HSF5: variants seen among roughly 807,000 people sequenced by gnomAD.
HSF5 encodes the protein heat shock transcription factor 5.
Under a neutral mutation model 50.8 loss-of-function variants are expected in HSF5, and 5 were observed. The ratio of observed to expected loss-of-function variants is 0.10; its 90% CI spans 0.05 to 0.21. The LOEUF is 0.21. HSF5 is among the 10% of genes least tolerant of loss of function. The pLI is 1.00. For synonymous variants in HSF5, 307 were observed against 307.4 expected (o/e 1.00, Z 0.02); for missense variants, 564 against 762.6 (o/e 0.74, Z 3.07).
intron 4 of HSF5, among the ~76,000 whole-genome samples, chr17:58,461,351 T>C (rs990352589): frequency 1.4e-5 from 2 of 145,982 alleles, no homozygotes; most frequent in African/African-American, 5.1e-5. Context: ...TAAAAAAAAA[T>C]GAGGTGATAT....
intron 1 of HSF5, among the ~76,000 whole-genome samples, chr17:58,484,243 AC>A (rs1975137356): frequency 6.6e-6 from 1 of 152,082 alleles, no homozygotes; most frequent in African/African-American, 2.4e-5. Context: ...AGGCATGAAA[AC>A]AATAACTTAG....
rs138503001 is a variant in HSF5, at chr17:58,440,767, C to T, written c.1720+18001G>A. 5.8e-3 allele frequency among the ~76,000 whole-genome samples: 886 copies of T among 152,070 alleles called. 5 individuals are homozygous for T. Among genetic ancestry groups the T allele is most frequent in the African/African-American group, 9.4e-3 (388 of 41,478 alleles). On this transcript the variant is annotated intron_variant, in intron 5 of 5. Transcript: ENST00000323777. The stretch of plus-strand genomic sequence containing the variant: ...ATAACTAGAAACTCAAAAATGTGAC[C>T]AGAGGTCTGGAAAAAAGAACAAACA...
Position 58,480,151 on chromosome 17 carries a change from G to A in HSF5, c.667C>T (p.Arg223Trp), listed in dbSNP as rs371929044. The A allele has an allele frequency of 4.3e-6, 7 of 1,614,064 alleles. No homozygotes were observed. The highest frequency in any genetic ancestry group is 1.1e-5 in the South Asian group (1 of 91,086). The change falls in exon 2 of 6, where the codon CGG (arginine) becomes TGG (tryptophan). Residue 223 changes from arginine to tryptophan, a missense_variant. Arg to Trp is a moderately radical substitution (Grantham distance 101). Coordinates refer to ENST00000323777, the MANE Select transcript of HSF5 (RefSeq NM_001080439.3). ...CATATTCTATGAGGAACTGGGGTCCGATCTAAACCTTTCAGAGGGTAAGTA... is the reference window on the plus strand; with the variant it reads ...CATATTCTATGAGGAACTGGGGTCCAATCTAAACCTTTCAGAGGGTAAGTA... ...HSTYPLKGLD[R>W]TPVPHRIWQN...
chr17:58,464,690 T>C (rs979467365), intron 3 of HSF5, among the ~76,000 whole-genome samples: 3 of 152,244 alleles, frequency 2.0e-5, no homozygotes, highest in African/African-American at 7.2e-5. Flanking sequence ...TGGAGTGCGA[T>C]GGCACGATCT....
In HSF5 at chr17:58,466,994, A is replaced by G. The variant is rs994817962; in HGVS notation, c.926-15T>C. 6.5e-7 allele frequency: 1 copy of G among 1,546,722 alleles called. No individual in the cohort carries two copies. Among genetic ancestry groups the G allele is most frequent in the Non-Finnish European group, 8.9e-7 (1 of 1,119,260 alleles). ...CTGTAGCACAGCTGGAACAAATTCA[A>G]ACACAGAAAAGCCATCAACCACAAT... On this transcript the variant is annotated splice_polypyrimidine_tract_variant and intron_variant, in intron 2 of 5. Transcript: ENST00000323777.
chr17:58,443,045 C>T lies in HSF5; in HGVS notation c.1720+15723G>A, dbSNP rs1016498793. Among the ~76,000 whole-genome samples the T allele has an allele frequency of 1.1e-4, 17 of 152,124 alleles. No individual in the cohort carries two copies. In the East Asian group the frequency reaches 2.5e-3, roughly 23 times the overall value. ...TGCCTCAGTTCCCGAGTATCTGGGA[C>T]TACAGGCGCCCACCACCACGCCCGG... On this transcript the variant is annotated intron_variant, in intron 5 of 5. Coordinates refer to ENST00000323777, the MANE Select transcript of HSF5 (RefSeq NM_001080439.3).
intron 2 of HSF5, chr17:58,476,529 G>T: frequency 7.6e-7 from 1 of 1,324,058 alleles, no homozygotes; most frequent in Non-Finnish European, 1.1e-6. Flanking sequence ...GAAATTCTTT[G>T]GACAGAACTT....
At chr17:58,456,341 T>C (rs1567911883) in intron 5 of HSF5, among the ~76,000 whole-genome samples, 1 of 152,050 alleles carries the variant, frequency 6.6e-6, no homozygotes, top group Admixed American at 6.6e-5. Context: ...ATGATCTTAC[T>C]CATATATGGA....
At chr17:58,486,070 A>G in intron 1 of HSF5, among the ~76,000 whole-genome samples, 1 of 151,318 alleles carries the variant, frequency 6.6e-6, no homozygotes, top group South Asian at 2.1e-4. Flanking sequence ...CTTAATCTCA[A>G]AAAGTAAAAT....
chr17:58,448,164 A>G (rs1396960711), intron 5 of HSF5, among the ~76,000 whole-genome samples: 2 of 151,216 alleles, frequency 1.3e-5, no homozygotes, highest in African/African-American at 4.8e-5. Context: ...AGGTAGAAAG[A>G]AAGAAAAAGA....
Position 58,449,799 on chromosome 17 carries a change from G to A in HSF5, c.1720+8969C>T, listed in dbSNP as rs1448625984. Among the ~76,000 whole-genome samples the A allele has an allele frequency of 6.0e-5, 9 of 150,604 alleles. No individual in the cohort carries two copies. The South Asian group carries it at 1.3e-3, about 21-fold the overall frequency. On this transcript the variant is annotated intron_variant, in intron 5 of 5. Coordinates refer to ENST00000323777, the MANE Select transcript of HSF5 (RefSeq NM_001080439.3). Reference sequence around the variant, plus strand: ...AGCACTTTGGGAGGCCGAGGCGGGCGGATCACGAGGTCAGGAGATCGAGAC... The same window carrying A: ...AGCACTTTGGGAGGCCGAGGCGGGCAGATCACGAGGTCAGGAGATCGAGAC...
At position 58,422,861 on chromosome 17, in the gene HSF5, A is replaced by G. The variant is rs528800638; in HGVS notation, c.1721-431T>C. ...CAGGCATGCACCACCACGCACGGCT[A>G]ATTTTTATATTTTTAGTGGAGACGG... is the stretch of plus-strand genomic sequence containing the variant. On this transcript the variant is annotated intron_variant, in intron 5 of 5. Transcript: ENST00000323777. Among the ~76,000 whole-genome samples the G allele has an allele frequency of 1.7e-4, 26 of 152,016 alleles. No individual in the cohort carries two copies. In the South Asian group the frequency reaches 2.3e-3, roughly 13 times the overall value.
At chr17:58,456,772 G>A (rs1389671259) in intron 5 of HSF5, among the ~76,000 whole-genome samples, 18 of 152,066 alleles carry the variant, frequency 1.2e-4, no homozygotes, top group Admixed American at 1.1e-3. Flanking sequence ...AAATTAAAAG[G>A]AAAGAATATG....
chr17:58,440,937 G>T (rs529949463), intron 5 of HSF5, among the ~76,000 whole-genome samples: 1 of 147,438 alleles, frequency 6.8e-6, no homozygotes, highest in Admixed American at 6.7e-5. Context: ...AATATGAGAG[G>T]TTTAAAAAAA....
intron 1 of HSF5, among the ~76,000 whole-genome samples, chr17:58,484,702 T>C (rs949312055): frequency 6.6e-6 from 1 of 152,140 alleles, no homozygotes; most frequent in Admixed American, 6.5e-5. Context: ...CACATGGAAG[T>C]GGCCTAATAT....
chr17:58,437,107 T>A (rs1278160433), intron 5 of HSF5, among the ~76,000 whole-genome samples: 1 of 152,194 alleles, frequency 6.6e-6, no homozygotes, highest in Non-Finnish European at 1.5e-5. Context: ...GGCCAAGTTC[T>A]GCATCTGGTA....
chr17:58,468,860 G>C, intron 2 of HSF5, among the ~76,000 whole-genome samples: 1 of 151,962 alleles, frequency 6.6e-6, no homozygotes, highest in East Asian at 1.9e-4. Flanking sequence ...ACTTTAAAAG[G>C]CCATATATTA....
chr17:58,463,275 A>G lies in HSF5; in HGVS notation c.1049T>C (p.Val350Ala), dbSNP rs1198368159. 1.2e-6 allele frequency: 2 copies of G among 1,613,870 alleles called. No homozygotes were observed. The highest frequency in any genetic ancestry group is 1.7e-6 in the Non-Finnish European group (2 of 1,179,778). Residue 350 changes from valine to alanine, a missense_variant, in exon 4 of 6, where the codon GTT becomes GCT. By Grantham distance (64) the Val-to-Ala change is moderately conservative. Coordinates refer to ENST00000323777, the MANE Select transcript of HSF5 (RefSeq NM_001080439.3). ...QNPSMQSSYP[V>A]EFLPSNWPCS... is the part of the protein sequence containing the mutation. The stretch of plus-strand genomic sequence containing the variant: ...GGGCCAATTGGAAGGCAAAAATTCA[A>G]CTGGATAGGAGGACTGCATTGAAGG...
At chr17:58,482,804 T>C (rs914932475) in intron 1 of HSF5, among the ~76,000 whole-genome samples, 7 of 147,068 alleles carry the variant, frequency 4.8e-5, no homozygotes, top group African/African-American at 1.3e-4. Flanking sequence ...ATCAGCCAGG[T>C]ATGGTGGCAT....
Sources: allele counts gnomAD v4.1 joint callset (sites outside exome capture counted in the v4.1 genomes callset), GRCh38; gene constraint gnomAD v4.1.1; transcripts MANE v1.5; gene names NCBI Gene and HGNC (gene_info 2026-07-23, HGNC 2026-07-21).